The following KCNN2 variants were observed in gnomAD, a reference collection of about 807,000 sequenced individuals.
KCNN2 encodes potassium calcium-activated channel subfamily N member 2.
In KCNN2, 24 loss-of-function variants were observed where a neutral mutation model predicts 55.5. That is an observed-to-expected ratio of 0.43 (90% CI 0.31 to 0.61). The LOEUF (loss-of-function observed/expected upper bound fraction) is 0.61, where lower values mean the gene tolerates loss of function less well. Ranked by LOEUF, KCNN2 falls within the 20% of genes least tolerant of loss-of-function variation. KCNN2 has a pLI of 0.08. For missense variants in KCNN2, 754 were observed against 853.6 expected (o/e 0.88, Z 1.45); for synonymous variants, 431 against 336.1 (o/e 1.28, Z -3.09).
chr5:114,367,984 T>A (rs1173423489), intron 2 of KCNN2, among the ~76,000 whole-genome samples: 1 of 152,210 alleles, frequency 6.6e-6, no homozygotes, highest in Non-Finnish European at 1.5e-5. Context: ...TTCGTTTGTT[T>A]GTTTTTGTAA....
At chr5:114,232,187 A>T (rs1754376788) in intron 2 of KCNN2, among the ~76,000 whole-genome samples, 1 of 150,936 alleles carries the variant, frequency 6.6e-6, no homozygotes, top group African/African-American at 2.5e-5. Flanking sequence ...ATAGGAGTAA[A>T]TTATTCAGGC....
At chr5:114,214,862 G>A (rs1409259104) in intron 1 of KCNN2, among the ~76,000 whole-genome samples, 1 of 152,060 alleles carries the variant, frequency 6.6e-6, no homozygotes, top group African/African-American at 2.4e-5. Context: ...AATGTTAATC[G>A]AAAAGAGTAA....
intron 3 of KCNN2, among the ~76,000 whole-genome samples, chr5:114,417,966 A>C (rs1580811274): frequency 6.6e-6 from 1 of 152,328 alleles, no homozygotes; most frequent in Middle Eastern, 3.4e-3. Flanking sequence ...CAAGAGGAAC[A>C]CCAACTGCTG....
chr5:114,397,030 C>G (rs1195704009), intron 2 of KCNN2, among the ~76,000 whole-genome samples: 1 of 152,140 alleles, frequency 6.6e-6, no homozygotes, highest in East Asian at 1.9e-4. Context: ...CCAGTCCCAT[C>G]CACGCTGCTG....
chr5:114,114,735 A>G (rs559056128), intron 1 of KCNN2, among the ~76,000 whole-genome samples: 7 of 152,114 alleles, frequency 4.6e-5, no homozygotes, highest in South Asian at 2.1e-4. Flanking sequence ...TTTCTAATCA[A>G]TCATCTAATC....
chr5:114,411,945 A>T (rs1759148575), intron 3 of KCNN2, among the ~76,000 whole-genome samples: 1 of 152,216 alleles, frequency 6.6e-6, no homozygotes, highest in Admixed American at 6.5e-5. Context: ...ATGCCCCATA[A>T]TAAAACTATA....
chr5:114,355,350 T>C (rs1757278028), intron 2 of KCNN2, among the ~76,000 whole-genome samples: 1 of 152,148 alleles, frequency 6.6e-6, no homozygotes, highest in Admixed American at 6.6e-5. Flanking sequence ...TAACACTGTA[T>C]GGAAGAAGAA....
At chr5:114,189,133 A>AGTGTGTGTGTGT (rs34640722) in intron 1 of KCNN2, among the ~76,000 whole-genome samples, 1,961 of 149,984 alleles carry the variant, frequency 0.013, 39 homozygotes, top group African/African-American at 0.044. Context: ...TAGAACCAAT[A>AGTGTGTGTGTGT]GTGTGTGTGT....
At chr5:114,462,960 C>T in intron 3 of KCNN2, 89 bp from the exon 4 acceptor site, 2 of 1,219,622 alleles carry the variant, frequency 1.6e-6, no homozygotes, top group Non-Finnish European at 2.3e-6. Flanking sequence ...ATAGAAGATA[C>T]AGTAAATTCG....
chr5:114,328,680 C>G (rs982609045), intron 2 of KCNN2, among the ~76,000 whole-genome samples: 2 of 152,108 alleles, frequency 1.3e-5, no homozygotes, highest in Admixed American at 1.3e-4. Context: ...CACCCTTCGG[C>G]AGGGAAGAAG....
chr5:114,296,855 T>C (rs1437286745), intron 2 of KCNN2, among the ~76,000 whole-genome samples: 2 of 152,214 alleles, frequency 1.3e-5, no homozygotes, highest in Non-Finnish European at 2.9e-5. Flanking sequence ...TTCTTCCTTT[T>C]CCTCATGTAT....
chr5:114,117,034 C>T (rs1023238443), intron 1 of KCNN2, among the ~76,000 whole-genome samples: 1 of 152,082 alleles, frequency 6.6e-6, no homozygotes, highest in African/African-American at 2.4e-5. Context: ...GTGACCTTCA[C>T]AATGGTAGAC....
At chr5:114,304,988 G>A (rs1756239214) in intron 2 of KCNN2, among the ~76,000 whole-genome samples, 1 of 152,098 alleles carries the variant, frequency 6.6e-6, no homozygotes, top group Non-Finnish European at 1.5e-5. Flanking sequence ...ACAGATTGCT[G>A]ATTTTTTTTA....
intron 1 of KCNN2, among the ~76,000 whole-genome samples, chr5:114,219,680 G>A (rs72797678): frequency 0.079 from 12,016 of 152,064 alleles, 684 homozygotes; most frequent in Non-Finnish European, 0.11. Context: ...GGAAATCAGG[G>A]ATATAAGTTC....
intron 2 of KCNN2, among the ~76,000 whole-genome samples, chr5:114,301,272 G>A (rs879443480): frequency 6.6e-6 from 1 of 151,988 alleles, no homozygotes; most frequent in African/African-American, 2.4e-5. Context: ...TGTAAAAGGG[G>A]AATGAAAAAC....
intron 1 of KCNN2, among the ~76,000 whole-genome samples, chr5:114,134,458 G>GATTTATTT (rs368773249): frequency 0.097 from 13,289 of 137,014 alleles, 831 homozygotes; most frequent in African/African-American, 0.14. Context: ...ATCCAACCAT[G>GATTTATTT]ATTTATTTAT....
chr5:114,088,975 A>G (rs1751079689), intron 1 of KCNN2, among the ~76,000 whole-genome samples: 1 of 152,252 alleles, frequency 6.6e-6, no homozygotes, highest in East Asian at 1.9e-4. Flanking sequence ...TTCTCACCAT[A>G]CTGAGTTTTT....
At chr5:114,477,422 G>C (rs1274341428) in intron 5 of KCNN2, among the ~76,000 whole-genome samples, 1 of 152,086 alleles carries the variant, frequency 6.6e-6, no homozygotes, top group Middle Eastern at 3.2e-3. Context: ...GTATTTGAAA[G>C]TAGAATACTA....
intron 3 of KCNN2, among the ~76,000 whole-genome samples, chr5:114,453,911 C>T (rs781539027): frequency 3.9e-5 from 6 of 151,914 alleles, no homozygotes; most frequent in Non-Finnish European, 8.8e-5. Flanking sequence ...ACCTGTCAAC[C>T]CGTCATCTAG....
Sources: gnomAD v4.1 joint callset for allele counts (sites outside exome capture counted in the v4.1 genomes callset) on GRCh38, gnomAD v4.1.1 for gene constraint, MANE v1.5 for transcripts, NCBI Gene and HGNC (gene_info 2026-07-23, HGNC 2026-07-21) for gene names.